Variants in PTPRM observed in about 807,000 individuals in gnomAD.
PTPRM encodes the protein protein tyrosine phosphatase receptor type M, also known as receptor-type tyrosine-protein phosphatase mu.
In PTPRM, 47 loss-of-function variants were observed where a neutral mutation model predicts 186.7. The observed-to-expected ratio is 0.25, with a 90% confidence interval of 0.20 to 0.32. The LOEUF is 0.32. Among genes scored for constraint, PTPRM ranks in the 10% least tolerant of loss-of-function variants. The pLI, the probability that PTPRM is intolerant of heterozygous loss-of-function variation, is 1.00. For synonymous variants in PTPRM, 668 were observed against 674.9 expected (o/e 0.99, Z 0.16); for missense variants, 1,494 against 1,865.0 (o/e 0.80, Z 3.66).
At chr18:7,927,303 C>T (rs747162724) in intron 5 of PTPRM, among the ~76,000 whole-genome samples, 40 of 152,174 alleles carry the variant, frequency 2.6e-4, no homozygotes, top group Non-Finnish European at 5.3e-4. Flanking sequence ...TCCCTTCTAA[C>T]CAGAATGCCA....
intron 7 of PTPRM, among the ~76,000 whole-genome samples, chr18:7,990,061 G>A (rs908478111): frequency 2.0e-5 from 3 of 151,874 alleles, no homozygotes; most frequent in African/African-American, 4.8e-5. Flanking sequence ...GCACCACCAC[G>A]CCTGGCTAAT....
In PTPRM at chr18:7,567,742, C is replaced by G. The variant is rs2036459521; in HGVS notation, c.-77C>G. 1 of 1,341,774 alleles carries G rather than the reference C, an allele frequency of 7.5e-7. No homozygotes were observed. Among genetic ancestry groups the G allele is most frequent in the African/African-American group, 1.6e-5 (1 of 63,924 alleles). 83.1% of individuals were successfully genotyped at this position (1,341,774 alleles called of 1,614,324 possible). ...CCCGTCTCTCCTCGCTGCCTCGGAACCAAAGCTCCCGGCCCCCTCCGCCCT... is the reference window on the plus strand; with the variant it reads ...CCCGTCTCTCCTCGCTGCCTCGGAAGCAAAGCTCCCGGCCCCCTCCGCCCT... On this transcript the variant is annotated 5_prime_UTR_variant, in exon 1 of 33. Transcript: ENST00000580170. This position sits in a 1 kb window ranked among gnomAD's most constrained non-coding sequence, Gnocchi z 4.3.
At chr18:8,138,709 C>T (rs1024828251) in intron 13 of PTPRM, among the ~76,000 whole-genome samples, 5 of 152,274 alleles carry the variant, frequency 3.3e-5, no homozygotes, top group African/African-American at 9.6e-5. Context: ...CGTGGTTCTG[C>T]GCGCTGGTCT....
At position 7,926,552 on chromosome 18, in the gene PTPRM, C is replaced by A; in HGVS notation, c.548-16C>A. 1 of 1,576,816 alleles carries A rather than the reference C, an allele frequency of 6.3e-7. No individual in the cohort carries two copies. The highest frequency in any genetic ancestry group is 1.1e-5 in the South Asian group (1 of 87,528). ...ATCTCCACTTTTAATATCTTTCATTCTTTTTCTTTATGTAGCCAGGACTCC... is the reference window on the plus strand; with the variant it reads ...ATCTCCACTTTTAATATCTTTCATTATTTTTCTTTATGTAGCCAGGACTCC... On this transcript the variant is annotated splice_polypyrimidine_tract_variant and intron_variant, in intron 4 of 32. Transcript: ENST00000580170.
intron 14 of PTPRM, among the ~76,000 whole-genome samples, chr18:8,204,196 C>A (rs2093895656): frequency 6.6e-6 from 1 of 152,048 alleles, no homozygotes. Context: ...TTATTGAACA[C>A]CTCTTCTGCT....
At chr18:7,946,236 C>T (rs1171162488) in intron 5 of PTPRM, among the ~76,000 whole-genome samples, 2 of 152,178 alleles carry the variant, frequency 1.3e-5, no homozygotes, top group South Asian at 2.1e-4. Flanking sequence ...TAAGTGCAAA[C>T]TTGAAATTGT....
rs192569414 is a variant in PTPRM, at chr18:8,258,325, C to T, written c.2754+4911C>T. Among the ~76,000 whole-genome samples the T allele has an allele frequency of 5.5e-3, 844 of 152,260 alleles. 9 individuals are homozygous for T. The highest frequency in any genetic ancestry group is 0.019 in the African/African-American group (797 of 41,558). On this transcript the variant is annotated intron_variant, in intron 19 of 32. Coordinates refer to ENST00000580170, the MANE Select transcript of PTPRM (RefSeq NM_001105244.2). ...ACTCACGAGGGACAGACAGGTCAGA[C>T]TCAGCCACCCTGCCCCACGCAGACT... is the stretch of plus-strand genomic sequence containing the variant.
intron 11 of PTPRM, among the ~76,000 whole-genome samples, chr18:8,112,285 A>C (rs2091789486): frequency 6.6e-6 from 1 of 152,234 alleles, no homozygotes; most frequent in Non-Finnish European, 1.5e-5. Flanking sequence ...TCTGTAATAG[A>C]AGGTGCTAAG....
At chr18:7,926,311 C>T (rs1050474473) in intron 4 of PTPRM, among the ~76,000 whole-genome samples, 3 of 152,150 alleles carry the variant, frequency 2.0e-5, no homozygotes, top group Non-Finnish European at 2.9e-5. Flanking sequence ...ACAGCAGGAA[C>T]AATAAAATAT....
chr18:7,999,157 C>T (rs2147744494), intron 7 of PTPRM, among the ~76,000 whole-genome samples: 1 of 152,258 alleles, frequency 6.6e-6, no homozygotes, highest in South Asian at 2.1e-4. Flanking sequence ...CATAGCCCCA[C>T]ACTCACTTAC....
chr18:7,690,939 T>A (rs184339383), intron 1 of PTPRM, among the ~76,000 whole-genome samples: 1 of 152,306 alleles, frequency 6.6e-6, no homozygotes, highest in Admixed American at 6.5e-5. Context: ...TTTGGGTTTT[T>A]TTGGAATTTT....
intron 32 of PTPRM, among the ~76,000 whole-genome samples, chr18:8,405,582 G>A (rs986088745): frequency 1.3e-5 from 2 of 152,318 alleles, no homozygotes; most frequent in African/African-American, 2.4e-5. Flanking sequence ...ACTGGATCAC[G>A]GACTTCTCAA....
intron 7 of PTPRM, among the ~76,000 whole-genome samples, chr18:8,041,539 G>A (rs2086692046): frequency 1.3e-5 from 2 of 151,980 alleles, no homozygotes; most frequent in South Asian, 4.1e-4. Context: ...TATAAGATGT[G>A]TAAGCAATGT....
At chr18:7,636,975 T>A (rs920657692) in intron 1 of PTPRM, among the ~76,000 whole-genome samples, 14 of 151,810 alleles carry the variant, frequency 9.2e-5, no homozygotes, top group Admixed American at 7.9e-4. Context: ...TGAGACCAGC[T>A]TGGCCAACAT....
chr18:7,670,974 T>A (rs1389427518), intron 1 of PTPRM, among the ~76,000 whole-genome samples: 1 of 152,234 alleles, frequency 6.6e-6, no homozygotes, highest in Non-Finnish European at 1.5e-5. Context: ...TATTATAACA[T>A]TACATTTTTG....
intron 7 of PTPRM, among the ~76,000 whole-genome samples, chr18:7,992,916 G>T (rs567468917): frequency 3.2e-4 from 48 of 152,122 alleles, no homozygotes; most frequent in African/African-American, 1.1e-3. Context: ...ATCAGTGAAT[G>T]ATGGCAGTAG....
At chr18:7,880,860 T>A (rs1162865625) in intron 2 of PTPRM, among the ~76,000 whole-genome samples, 2 of 152,180 alleles carry the variant, frequency 1.3e-5, no homozygotes, top group Non-Finnish European at 2.9e-5. Context: ...AATGAAAAGC[T>A]TTCTTAGGAA....
At chr18:8,322,494 C>T (rs992960080) in intron 22 of PTPRM, among the ~76,000 whole-genome samples, 3 of 152,144 alleles carry the variant, frequency 2.0e-5, no homozygotes, top group Non-Finnish European at 4.4e-5. Context: ...ACTGACCAGA[C>T]ATTAGTGCAA....
intron 1 of PTPRM, among the ~76,000 whole-genome samples, chr18:7,597,846 A>T (rs1233283634): frequency 6.6e-6 from 1 of 152,236 alleles, no homozygotes; most frequent in Non-Finnish European, 1.5e-5. Flanking sequence ...TGCAAAGAGA[A>T]TACACATGTA....
Sources: allele counts gnomAD v4.1 joint callset (sites outside exome capture counted in the v4.1 genomes callset), GRCh38; gene constraint gnomAD v4.1.1; non-coding constraint Gnocchi (gnomAD v3.1); transcripts MANE v1.5; gene names NCBI Gene and HGNC (gene_info 2026-07-23, HGNC 2026-07-21).